ST8SIA6: variants seen among roughly 807,000 people sequenced by gnomAD.
The protein encoded by ST8SIA6 is alpha-2,8-sialyltransferase 8F.
In ST8SIA6, 39 loss-of-function variants were observed where a neutral mutation model predicts 33.6. The ratio of observed to expected loss-of-function variants is 1.16; its 90% CI spans 0.90 to 1.52. The LOEUF (loss-of-function observed/expected upper bound fraction) is 1.52. ST8SIA6 is among the 40% of genes most tolerant of loss of function. The pLI is 0.00. For missense variants in ST8SIA6, 441 were observed against 443.8 expected, an observed-to-expected ratio of 0.99 and a Z score of 0.06; for synonymous variants, 172 against 167.2, an observed-to-expected ratio of 1.03 and a Z score of -0.22.
intron 2 of ST8SIA6, among the ~76,000 whole-genome samples, chr10:17,426,773 T>G (rs747499403): frequency 3.9e-5 from 6 of 152,232 alleles, no homozygotes; most frequent in Non-Finnish European, 8.8e-5. Flanking sequence ...ATGGATCTAC[T>G]GGCAGAAAGA....
chr10:17,322,122 GAGGA>G (rs1016239050), intron 7 of ST8SIA6, among the ~76,000 whole-genome samples: 13 of 143,970 alleles, frequency 9.0e-5, no homozygotes, highest in Non-Finnish European at 1.8e-4. Context: ...GAGAGAGAGA[GAGGA>G]AGGAAGGAAG....
intron 2 of ST8SIA6, among the ~76,000 whole-genome samples, chr10:17,404,478 C>G (rs1461145137): frequency 1.3e-5 from 2 of 152,124 alleles, no homozygotes; most frequent in African/African-American, 4.8e-5. Flanking sequence ...TCTTTTTCAA[C>G]AAGCCCTCAT....
In ST8SIA6 at chr10:17,333,692, TATATATATATATATA is replaced by T. The variant is rs1848383382; in HGVS notation, c.378-2155_378-2141del. ...GCTGGGATATATATATATATATATA[TATATATATATATATA>T]TATATATATATTTTTTTTTTTTTTT... On this transcript the variant is annotated intron_variant, in intron 4 of 7. Coordinates refer to ENST00000377602, the MANE Select transcript of ST8SIA6 (RefSeq NM_001004470.3). 5.5e-4 allele frequency among the ~76,000 whole-genome samples: 16 copies of T among 29,102 alleles called. 2 individuals carry two copies. Among genetic ancestry groups the T allele is most frequent in the East Asian group, 1.8e-3 (1 of 566 alleles). The allele number at this position is 29,102 out of a possible 152,430, so 19.1% of individuals were successfully genotyped here.
chr10:17,356,558 T>A (rs2131614073), intron 4 of ST8SIA6, among the ~76,000 whole-genome samples: 1 of 152,172 alleles, frequency 6.6e-6, no homozygotes, highest in East Asian at 1.9e-4. Context: ...CAGCTAATTT[T>A]TATATTTTTA....
At chr10:17,399,958 A>C (rs1048061212) in intron 2 of ST8SIA6, among the ~76,000 whole-genome samples, 1 of 151,778 alleles carries the variant, frequency 6.6e-6, no homozygotes, top group East Asian at 1.9e-4. Context: ...TCTCATGCAC[A>C]TATAAAATGA....
chr10:17,352,729 TA>T (rs1442138657), intron 4 of ST8SIA6, among the ~76,000 whole-genome samples: 1 of 152,082 alleles, frequency 6.6e-6, no homozygotes, highest in African/African-American at 2.4e-5. Flanking sequence ...AGCTAGTCCC[TA>T]AATGTGCAAG....
In ST8SIA6 at chr10:17,318,873, G is replaced by C. The variant is rs1847853196; in HGVS notation, c.*2005C>G. Reference sequence around the variant, plus strand: ...TTTAGAAAGTTCTAAGTAATGTTCTGTTTTGGAACAAAAGAACATTATTGG... The same window carrying C: ...TTTAGAAAGTTCTAAGTAATGTTCTCTTTTGGAACAAAAGAACATTATTGG... On this transcript the variant is annotated 3_prime_UTR_variant, in exon 8 of 8. Transcript: ENST00000377602. The C allele has an allele frequency of 2.6e-6, 1 of 382,016 alleles. No homozygotes were observed. Among genetic ancestry groups the C allele is most frequent in the Non-Finnish European group, 5.2e-6 (1 of 193,904 alleles). The allele number at this position is 382,016 out of a possible 1,614,324, so 23.7% of individuals were successfully genotyped here. A position where few individuals can be genotyped will look rare whatever the true frequency, so the allele number is the denominator to read the frequency against.
intron 2 of ST8SIA6, among the ~76,000 whole-genome samples, chr10:17,420,831 C>T (rs1204942801): frequency 6.6e-6 from 1 of 152,186 alleles, no homozygotes; most frequent in African/African-American, 2.4e-5. Flanking sequence ...CACAGTTCCA[C>T]CTGAGTGGGG....
In ST8SIA6 at chr10:17,365,216, T is replaced by C. The variant is rs10904939; in HGVS notation, c.291-5616A>G. ...AAATTATAAATAACCTACTAAATGA[T>C]AATAAATGTCATATTAAAATTTTAA... On this transcript the variant is annotated intron_variant, in intron 3 of 7. Transcript: ENST00000377602. Among the ~76,000 whole-genome samples the C allele has an allele frequency of 6.0e-3, 913 of 152,316 alleles. 25 individuals carry two copies. In the East Asian group the frequency reaches 0.091, roughly 15 times the overall value.
chr10:17,413,968 T>C (rs1299582407), intron 2 of ST8SIA6, among the ~76,000 whole-genome samples: 1 of 152,226 alleles, frequency 6.6e-6, no homozygotes, highest in Non-Finnish European at 1.5e-5. Flanking sequence ...AGCTCACTTA[T>C]TCTAGTATTC....
intron 3 of ST8SIA6, among the ~76,000 whole-genome samples, chr10:17,361,767 A>C (rs1283382820): frequency 6.6e-6 from 1 of 152,014 alleles, no homozygotes; most frequent in East Asian, 1.9e-4. Context: ...AGATGCAAAA[A>C]ATCCTCGACA....
chr10:17,447,786 T>C (rs1381835713), intron 2 of ST8SIA6, among the ~76,000 whole-genome samples: 1 of 152,086 alleles, frequency 6.6e-6, no homozygotes, highest in African/African-American at 2.4e-5. Flanking sequence ...CCAAAAACTA[T>C]GTAGATTAAT....
At chr10:17,335,516 A>G (rs1848471229) in intron 4 of ST8SIA6, among the ~76,000 whole-genome samples, 1 of 152,218 alleles carries the variant, frequency 6.6e-6, no homozygotes, top group Admixed American at 6.5e-5. Context: ...TTTTAAAAAT[A>G]CTTCTTATCA....
intron 2 of ST8SIA6, among the ~76,000 whole-genome samples, chr10:17,448,251 G>T (rs1852787802): frequency 6.6e-6 from 1 of 152,142 alleles, no homozygotes; most frequent in South Asian, 2.1e-4. Context: ...TGAAGGTGAG[G>T]TCCCCCGTCT....
chr10:17,424,933 C>T (rs1851888506), intron 2 of ST8SIA6, among the ~76,000 whole-genome samples: 1 of 151,732 alleles, frequency 6.6e-6, no homozygotes, highest in African/African-American at 2.4e-5. Flanking sequence ...CGGGGTTTCT[C>T]CATGTTGGCC....
chr10:17,343,119 T>C (rs1171243490), intron 4 of ST8SIA6, among the ~76,000 whole-genome samples: 1 of 152,160 alleles, frequency 6.6e-6, no homozygotes, highest in East Asian at 1.9e-4. Context: ...TCTGGGGATA[T>C]GCCAAGGAAT....
intron 3 of ST8SIA6, among the ~76,000 whole-genome samples, chr10:17,387,576 A>G (rs1252425367): frequency 1.3e-5 from 2 of 152,060 alleles, no homozygotes; most frequent in East Asian, 1.9e-4. Context: ...CCAGAAAACT[A>G]GGATTTTCAT....
At chr10:17,431,297 G>T (rs755838952) in intron 2 of ST8SIA6, among the ~76,000 whole-genome samples, 6 of 152,104 alleles carry the variant, frequency 3.9e-5, no homozygotes, top group Non-Finnish European at 2.9e-5. Flanking sequence ...GAAAGTCAGG[G>T]CAGGTCTTTT....
At chr10:17,338,884 T>C (rs1848588780) in intron 4 of ST8SIA6, among the ~76,000 whole-genome samples, 1 of 152,186 alleles carries the variant, frequency 6.6e-6, no homozygotes, top group African/African-American at 2.4e-5. Context: ...AATTGAGACT[T>C]TCTGTACTGC....
Sources: gnomAD v4.1 joint callset for allele counts (sites outside exome capture counted in the v4.1 genomes callset) on GRCh38, gnomAD v4.1.1 for gene constraint, MANE v1.5 for transcripts, NCBI Gene and HGNC (gene_info 2026-07-23, HGNC 2026-07-21) for gene names.